Variants in CTNND2 observed in about 807,000 individuals in gnomAD.
CTNND2 encodes the protein catenin delta-2.
CTNND2 carries 22 observed loss-of-function variants against 144.4 expected under a neutral mutation model. The ratio of observed to expected loss-of-function variants is 0.15; its 90% CI spans 0.11 to 0.22. CTNND2 has a LOEUF of 0.22. CTNND2 is among the 10% of genes least tolerant of loss of function. The pLI, the probability that CTNND2 is intolerant of heterozygous loss-of-function variation, is 1.00. For synonymous variants in CTNND2, 751 were observed against 695.6 expected (o/e 1.08, Z -1.25); for missense variants, 1,353 against 1,618.8 (o/e 0.84, Z 2.82).
chr5:11,642,278 A>C (rs752844807), intron 2 of CTNND2, among the ~76,000 whole-genome samples: 2 of 152,204 alleles, frequency 1.3e-5, no homozygotes, highest in Non-Finnish European at 2.9e-5. Flanking sequence ...CTTCAATTCT[A>C]GCAGCAGGAG....
At chr5:11,147,922 A>G (rs1757407187) in intron 12 of CTNND2, among the ~76,000 whole-genome samples, 1 of 152,248 alleles carries the variant, frequency 6.6e-6, no homozygotes, top group South Asian at 2.1e-4. Flanking sequence ...CACAGCTCAC[A>G]TGTCCATCAA....
intron 9 of CTNND2, among the ~76,000 whole-genome samples, chr5:11,263,791 T>G (rs1745162400): frequency 6.6e-6 from 1 of 152,182 alleles, no homozygotes; most frequent in African/African-American, 2.4e-5. Flanking sequence ...CAGCTGATGA[T>G]TTTGAGTCTT....
At chr5:11,342,663 T>C (rs1265630387) in intron 9 of CTNND2, among the ~76,000 whole-genome samples, 1 of 152,236 alleles carries the variant, frequency 6.6e-6, no homozygotes, top group Non-Finnish European at 1.5e-5. Flanking sequence ...ATCTTAACCA[T>C]GACTTTTATT....
At chr5:11,774,969 C>T (rs925974229) in intron 1 of CTNND2, among the ~76,000 whole-genome samples, 6 of 152,146 alleles carry the variant, frequency 3.9e-5, no homozygotes, top group Non-Finnish European at 8.8e-5. Context: ...CCAATCCCAT[C>T]CTAGTTGTCC....
intron 19 of CTNND2, among the ~76,000 whole-genome samples, chr5:10,990,303 G>A (rs897343658): frequency 2.0e-5 from 3 of 152,198 alleles, no homozygotes; most frequent in Non-Finnish European, 2.9e-5. Context: ...CCACTGTGTC[G>A]TATGAAGATT....
At chr5:11,429,825 A>T (rs1206070675) in intron 3 of CTNND2, among the ~76,000 whole-genome samples, 1 of 152,184 alleles carries the variant, frequency 6.6e-6, no homozygotes, top group Non-Finnish European at 1.5e-5. Flanking sequence ...GTCATTATCA[A>T]CCTAGGGGAA....
intron 10 of CTNND2, among the ~76,000 whole-genome samples, chr5:11,229,648 G>A (rs929836673): frequency 2.2e-4 from 22 of 101,860 alleles, no homozygotes; most frequent in African/African-American, 8.5e-4. Flanking sequence ...CATATTGCGT[G>A]TGTGTGTGTG....
chr5:11,037,970 A>G (rs1026844436), intron 16 of CTNND2, among the ~76,000 whole-genome samples: 1 of 152,196 alleles, frequency 6.6e-6, no homozygotes, highest in Non-Finnish European at 1.5e-5. Context: ...CTTTAGCCAT[A>G]GGCCTTCATA....
intron 3 of CTNND2, among the ~76,000 whole-genome samples, chr5:11,506,671 T>C (rs9312775): frequency 0.015 from 2,353 of 152,358 alleles, 57 homozygotes; most frequent in African/African-American, 0.054. Context: ...ACCTTAAATA[T>C]ACACAATTCA....
chr5:11,233,606 C>G lies in CTNND2; in HGVS notation c.1761+3085G>C, dbSNP rs549697934. 3.9e-4 allele frequency among the ~76,000 whole-genome samples: 59 copies of G among 152,292 alleles called. 1 individual carries two copies. In the South Asian group the frequency reaches 0.012, roughly 32 times the overall value. The stretch of plus-strand genomic sequence containing the variant: ...TCAATGTCTGTGTATGAAAACACGA[C>G]AGGCAGCCATCTGTCACAAAGGTAG... On this transcript the variant is annotated intron_variant, in intron 10 of 21. Transcript: ENST00000304623.
intron 10 of CTNND2, among the ~76,000 whole-genome samples, chr5:11,215,544 A>G (rs895604527): frequency 1.2e-4 from 18 of 152,250 alleles, no homozygotes; most frequent in African/African-American, 4.1e-4. Context: ...ATGGTTGAAT[A>G]TCCAATTTCC....
At chr5:11,494,336 C>A (rs1417378715) in intron 3 of CTNND2, among the ~76,000 whole-genome samples, 3 of 152,092 alleles carry the variant, frequency 2.0e-5, no homozygotes, top group Non-Finnish European at 2.9e-5. Context: ...TCATTGGTAA[C>A]AGACATTTTT....
intron 1 of CTNND2, among the ~76,000 whole-genome samples, chr5:11,789,749 C>T (rs1791033347): frequency 6.6e-6 from 1 of 152,274 alleles, no homozygotes; most frequent in East Asian, 1.9e-4. Context: ...ATCTCAAATA[C>T]AATGTTGAAT....
At chr5:11,077,473 C>A (rs913132183) in intron 16 of CTNND2, among the ~76,000 whole-genome samples, 4 of 152,154 alleles carry the variant, frequency 2.6e-5, no homozygotes, top group African/African-American at 9.7e-5. Flanking sequence ...GAGGCAGGAT[C>A]TCAGAGCATG....
At chr5:11,111,482 AT>A (rs1752977329) in intron 13 of CTNND2, among the ~76,000 whole-genome samples, 1 of 152,252 alleles carries the variant, frequency 6.6e-6, no homozygotes, top group African/African-American at 2.4e-5. Context: ...CCACCGGAGC[AT>A]TTTCCGAGTG....
In CTNND2 at chr5:11,251,305, C is replaced by G. The variant is rs148788178; in HGVS notation, c.1629-14482G>C. ...CTTAGGTCTGAACAGCTTGAATCATCTACATCCTAACATGTCCGTGCTTTG... is the reference window on the plus strand; with the variant it reads ...CTTAGGTCTGAACAGCTTGAATCATGTACATCCTAACATGTCCGTGCTTTG... On this transcript the variant is annotated intron_variant, in intron 9 of 21. Transcript: ENST00000304623. Among the ~76,000 whole-genome samples the G allele has an allele frequency of 8.9e-3, 1,358 of 152,302 alleles. 33 individuals are homozygous for G. The highest frequency in any genetic ancestry group is 0.043 in the Admixed American group (650 of 15,292).
intron 11 of CTNND2, among the ~76,000 whole-genome samples, chr5:11,181,022 G>A (rs772235037): frequency 2.0e-5 from 3 of 152,154 alleles, no homozygotes; most frequent in Non-Finnish European, 4.4e-5. Flanking sequence ...GATGTGTTTG[G>A]GCAGGTTAGG....
At chr5:11,656,286 T>C (rs1015805021) in intron 2 of CTNND2, among the ~76,000 whole-genome samples, 15 of 152,084 alleles carry the variant, frequency 9.9e-5, no homozygotes, top group Non-Finnish European at 1.5e-4. Context: ...GTGTGAAATG[T>C]TACCCTTTGC....
intron 16 of CTNND2, among the ~76,000 whole-genome samples, chr5:11,062,811 G>T (rs530933927): frequency 5.9e-5 from 9 of 152,178 alleles, no homozygotes; most frequent in Admixed American, 3.3e-4. Flanking sequence ...CCTGAAAAAC[G>T]TGCTTGCATG....
Sources: allele counts gnomAD v4.1 joint callset (sites outside exome capture counted in the v4.1 genomes callset), GRCh38; gene constraint gnomAD v4.1.1; transcripts MANE v1.5; gene names NCBI Gene and HGNC (gene_info 2026-07-23, HGNC 2026-07-21).